The following SMURF1 variants were observed in gnomAD, a reference collection of about 807,000 sequenced individuals.
SMURF1 encodes E3 ubiquitin-protein ligase SMURF1.
SMURF1 carries 44 observed loss-of-function variants against 98.0 expected under a neutral mutation model. That is an observed-to-expected ratio of 0.45 (90% CI 0.35 to 0.58). SMURF1 has a LOEUF of 0.58. SMURF1 is among the 20% of genes least tolerant of loss of function. SMURF1 has a pLI of 0.00. For missense variants in SMURF1, 687 were observed against 938.4 expected, an observed-to-expected ratio of 0.73 and a Z score of 3.50; for synonymous variants, 396 against 374.9, an observed-to-expected ratio of 1.06 and a Z score of -0.65.
rs781431439 is a variant in SMURF1 at position 99,052,378 on chromosome 7, G to A, written c.548C>T (p.Thr183Ile). 25 of 1,611,724 alleles carry A rather than the reference G, an allele frequency of 1.6e-5. No homozygotes were observed. Among genetic ancestry groups the A allele is most frequent in the Non-Finnish European group, 2.0e-5 (24 of 1,178,810 alleles). The change falls in exon 7 of 18, where the codon ACA (threonine) becomes ATA (isoleucine). Residue 183 changes from threonine (T) to isoleucine (I), a missense_variant. Thr to Ile is a moderately conservative substitution (Grantham distance 89). Coordinates refer to ENST00000361368, the MANE Select transcript of SMURF1 (RefSeq NM_181349.3). ...TCCAGCAGCAGCACCGGTGCTATCT[G>A]TGTAAGGGGCTGGTTCCTCCATGAA... ...SCFMEEPAPYTDSTGAAAGGG... is the reference protein window; with the variant it reads ...SCFMEEPAPYIDSTGAAAGGG...
chr7:99,141,986 A>C (rs1317505273), intron 1 of SMURF1, among the ~76,000 whole-genome samples: 1 of 152,250 alleles, frequency 6.6e-6, no homozygotes, highest in Non-Finnish European at 1.5e-5. Context: ...GTCCCGGAGC[A>C]GAGCCGCATT....
chr7:99,093,359 C>T (rs1796856719), intron 1 of SMURF1, among the ~76,000 whole-genome samples: 1 of 152,174 alleles, frequency 6.6e-6, no homozygotes, highest in Non-Finnish European at 1.5e-5. Flanking sequence ...CCTTCCTTTT[C>T]AAAGCCACTC....
intron 1 of SMURF1, among the ~76,000 whole-genome samples, chr7:99,125,667 C>T (rs377749658): frequency 3.9e-5 from 6 of 152,198 alleles, no homozygotes; most frequent in African/African-American, 7.2e-5. Context: ...GCACTTTCCA[C>T]GGCTAGAAGG....
intron 1 of SMURF1, among the ~76,000 whole-genome samples, chr7:99,093,065 T>C (rs1796851545): frequency 6.6e-6 from 1 of 152,236 alleles, no homozygotes; most frequent in South Asian, 2.1e-4. Flanking sequence ...ATAGCCTATA[T>C]CACACCACCC....
chr7:99,030,623 C>T lies in SMURF1; in HGVS notation c.2157G>A (p.Leu719=). ...ESYEKLYEKL[L]TAVEETCGFA... is the part of the protein sequence containing the mutation. ...ACCCGCAGGTCTCCTCCACGGCTGT[C>T]AGCAGCTTCTCGTAGAGCTTCTCAT... The change falls in exon 18 of 18, where the codon CTG becomes CTA. Residue 719 remains leucine, a synonymous_variant. Coordinates refer to ENST00000361368, the MANE Select transcript of SMURF1 (RefSeq NM_181349.3). 2 of 1,614,184 alleles carry T rather than the reference C, an allele frequency of 1.2e-6. No homozygotes were observed. Among genetic ancestry groups the T allele is most frequent in the Middle Eastern group, 1.6e-4 (1 of 6,062 alleles).
intron 1 of SMURF1, among the ~76,000 whole-genome samples, chr7:99,063,596 C>T (rs527281109): frequency 1.3e-4 from 20 of 151,566 alleles, no homozygotes; most frequent in African/African-American, 4.8e-4. Flanking sequence ...AACCAAGATA[C>T]GATTTATATA....
chr7:99,061,733 A>T, intron 2 of SMURF1, 66 bp downstream of exon 2: 1 of 1,315,520 alleles, frequency 7.6e-7, no homozygotes, highest in Non-Finnish European at 1.1e-6. Context: ...ATCTTTTTTT[A>T]AAGTTTAAAA....
intron 6 of SMURF1, among the ~76,000 whole-genome samples, chr7:99,052,795 G>A (rs145833575): frequency 1.4e-4 from 21 of 152,316 alleles, no homozygotes; most frequent in African/African-American, 4.6e-4. Context: ...GCCAGATGCG[G>A]TGGCTCACGC....
intron 1 of SMURF1, among the ~76,000 whole-genome samples, chr7:99,095,637 T>C (rs781275416): frequency 5.3e-5 from 8 of 152,198 alleles, no homozygotes; most frequent in Admixed American, 2.6e-4. Flanking sequence ...CAGTGAGTAT[T>C]TATCAAGTGC....
At chr7:99,046,731 C>CAAAAAAA in intron 10 of SMURF1, among the ~76,000 whole-genome samples, 1 of 74,704 alleles carries the variant, frequency 1.3e-5, no homozygotes, top group Non-Finnish European at 2.5e-5. Flanking sequence ...GACTCCGTCT[C>CAAAAAAA]AAAAAAAAAA....
chr7:99,054,690 A>G, intron 6 of SMURF1, 100 bp downstream of exon 6: 2 of 957,950 alleles, frequency 2.1e-6, no homozygotes, highest in Admixed American at 1.9e-5. Context: ...CATCTCAAGC[A>G]TTCTGCAGAG....
chr7:99,097,278 GA>G (rs1337929344), intron 1 of SMURF1, among the ~76,000 whole-genome samples: 3 of 152,158 alleles, frequency 2.0e-5, no homozygotes, highest in Non-Finnish European at 4.4e-5. Flanking sequence ...AAAAAGAGGG[GA>G]GAGAGAGGGA....
At chr7:99,070,906 T>G (rs1287561344) in intron 1 of SMURF1, among the ~76,000 whole-genome samples, 1 of 152,154 alleles carries the variant, frequency 6.6e-6, no homozygotes, top group Non-Finnish European at 1.5e-5. Context: ...CTGGAAGCTT[T>G]GCACACTACT....
At chr7:99,129,489 T>C (rs1204618221) in intron 1 of SMURF1, among the ~76,000 whole-genome samples, 1 of 152,182 alleles carries the variant, frequency 6.6e-6, no homozygotes, top group East Asian at 1.9e-4. Context: ...CCTCTTGAGC[T>C]CAAACAATTC....
intron 1 of SMURF1, among the ~76,000 whole-genome samples, chr7:99,071,891 G>A (rs570319994): frequency 6.6e-6 from 1 of 151,504 alleles, no homozygotes; most frequent in African/African-American, 2.4e-5. Context: ...CCTGAGCAAC[G>A]TAACAAGACA....
At chr7:99,142,342 G>T (rs564373076) in intron 1 of SMURF1, among the ~76,000 whole-genome samples, 1 of 152,172 alleles carries the variant, frequency 6.6e-6, no homozygotes, top group Admixed American at 6.5e-5. Flanking sequence ...TGGGGGTGAT[G>T]GTGAAACAAA....
chr7:99,052,623 AAGAC>A (rs1009238928), intron 6 of SMURF1, among the ~76,000 whole-genome samples, 177 bp from the exon 7 acceptor site: 4 of 152,306 alleles, frequency 2.6e-5, no homozygotes, highest in East Asian at 1.9e-4. Flanking sequence ...CTCAAACAGA[AAGAC>A]AGACTCTTCT....
chr7:99,076,252 T>C (rs1328582781), intron 1 of SMURF1, among the ~76,000 whole-genome samples: 2 of 151,894 alleles, frequency 1.3e-5, no homozygotes, highest in Non-Finnish European at 2.9e-5. Context: ...TTCCAAAGAG[T>C]CCAGTATGGA....
At chr7:99,060,394 A>G (rs111921700) in intron 3 of SMURF1, among the ~76,000 whole-genome samples, 11,266 of 151,248 alleles carry the variant, frequency 0.074, 548 homozygotes, top group Middle Eastern at 0.13. Context: ...AAAAAAAAAA[A>G]AAAGAAAAAA....
Sources: gnomAD v4.1 joint callset for allele counts (sites outside exome capture counted in the v4.1 genomes callset) on GRCh38, gnomAD v4.1.1 for gene constraint, MANE v1.5 for transcripts, NCBI Gene and HGNC (gene_info 2026-07-23, HGNC 2026-07-21) for gene names.